Variants in ELOVL2 observed in about 807,000 individuals in gnomAD.
The protein encoded by ELOVL2 is very long chain fatty acid elongase 2.
ELOVL2 carries 38 observed loss-of-function variants against 37.7 expected under a neutral mutation model. The observed-to-expected ratio is 1.01, with a 90% CI of 0.78 to 1.32. ELOVL2 has a LOEUF of 1.32. ELOVL2 is among the 40% of genes most tolerant of loss of function. The pLI is 0.00. For missense variants in ELOVL2, 352 were observed against 363.6 expected, an observed-to-expected ratio of 0.97 and a Z score of 0.26; for synonymous variants, 115 against 122.3, an observed-to-expected ratio of 0.94 and a Z score of 0.40.
intron 1 of ELOVL2, among the ~76,000 whole-genome samples, chr6:11,035,651 A>AT (rs915933480): frequency 3.9e-5 from 6 of 152,264 alleles, no homozygotes; most frequent in Non-Finnish European, 7.4e-5. Context: ...TAGGGTCTAG[A>AT]TTTTTTTGTC....
chr6:11,024,834 C>G (rs1028164168), intron 1 of ELOVL2, among the ~76,000 whole-genome samples: 1 of 152,160 alleles, frequency 6.6e-6, no homozygotes, highest in Non-Finnish European at 1.5e-5. Context: ...GGTTGGTTAA[C>G]TGGAGGAAAG....
rs774368530 is a variant in ELOVL2, at chr6:10,995,001, A to G, written c.505+6T>C. The G allele has an allele frequency of 3.8e-6, 6 of 1,580,718 alleles. No individual in the cohort carries two copies. The Admixed American group carries it at 1.1e-4, about 29-fold the overall frequency. ...TCAAAACGGAAAAATTAACAAAATA[A>G]CTTACTTTGTCCACAAGGTATCCAG... is the stretch of plus-strand genomic sequence containing the variant. On this transcript the variant is annotated splice_donor_region_variant and intron_variant, in intron 5 of 7. Coordinates refer to ENST00000354666, the MANE Select transcript of ELOVL2 (RefSeq NM_017770.4).
At chr6:11,037,071 G>T (rs1419253574) in intron 1 of ELOVL2, among the ~76,000 whole-genome samples, 1 of 143,450 alleles carries the variant, frequency 7.0e-6, no homozygotes, top group Non-Finnish European at 1.5e-5. Context: ...AGATAGAGAG[G>T]CAGAGAGGGA....
In ELOVL2 at chr6:10,983,833, G is replaced by GA; in HGVS notation, c.838dup (p.Ser280PhefsTer42). ...ATTTGCTGCAGTGAAGTAGGCTTTG[G>GA]AAAAACCATTCTTCACTTCTTTCCC... On this transcript the variant is annotated frameshift_variant, in exon 8 of 8. Coordinates refer to ENST00000354666, the MANE Select transcript of ELOVL2 (RefSeq NM_017770.4). LOFTEE classifies it high-confidence loss of function. 1.2e-6 allele frequency: 2 copies of GA among 1,613,504 alleles called. No individual in the cohort carries two copies. The highest frequency in any genetic ancestry group is 1.1e-5 in the South Asian group (1 of 90,910).
At chr6:11,031,616 C>T (rs1478842469) in intron 1 of ELOVL2, among the ~76,000 whole-genome samples, 2 of 152,148 alleles carry the variant, frequency 1.3e-5, no homozygotes, top group Admixed American at 6.5e-5. Context: ...GTTATATACA[C>T]TGCAAATAAC....
chr6:10,982,682 G>T lies in ELOVL2; in HGVS notation c.*1099C>A, dbSNP rs759045293. ...GTTTGCCAAACTGGCATTTTTTATCGTGGCTCATGACCGGCCCACGGCTCA... is the reference window on the plus strand; with the variant it reads ...GTTTGCCAAACTGGCATTTTTTATCTTGGCTCATGACCGGCCCACGGCTCA... On this transcript the variant is annotated 3_prime_UTR_variant, in exon 8 of 8. Transcript: ENST00000354666. 6.6e-6 allele frequency: 1 copy of T among 152,118 alleles called. No individual in the cohort carries two copies. Among genetic ancestry groups the T allele is most frequent in the African/African-American group, 2.4e-5 (1 of 41,414 alleles). The allele number at this position is 152,118 out of a possible 1,614,324, so 9.4% of individuals were successfully genotyped here.
intron 1 of ELOVL2, among the ~76,000 whole-genome samples, chr6:11,042,358 TA>T (rs201731620): frequency 9.9e-5 from 15 of 150,902 alleles, no homozygotes; most frequent in African/African-American, 1.5e-4. Context: ...ATTTGGGTAT[TA>T]AAAAAAAATT....
chr6:11,002,115 T>TA (rs892797655), intron 3 of ELOVL2, among the ~76,000 whole-genome samples: 16 of 152,148 alleles, frequency 1.1e-4, no homozygotes, highest in African/African-American at 3.1e-4. Context: ...CCATTACACT[T>TA]AGAGTGCAAG....
intron 1 of ELOVL2, among the ~76,000 whole-genome samples, chr6:11,028,697 T>C (rs1190331313): frequency 6.6e-5 from 10 of 152,068 alleles, no homozygotes. Flanking sequence ...CAAATGATAG[T>C]AATAATAGTA....
chr6:11,009,680 G>A (rs1782539194), intron 2 of ELOVL2, among the ~76,000 whole-genome samples: 1 of 152,222 alleles, frequency 6.6e-6, no homozygotes, highest in African/African-American at 2.4e-5. Context: ...TTGAGCAGCT[G>A]TATGAAAGCC....
rs529492462 is a variant in ELOVL2, at chr6:11,030,491, G to T, written c.3+13737C>A. Among the ~76,000 whole-genome samples the T allele has an allele frequency of 8.0e-5, 12 of 150,462 alleles. No individual in the cohort carries two copies. In the East Asian group the frequency reaches 9.7e-4, roughly 12 times the overall value. On this transcript the variant is annotated intron_variant, in intron 1 of 7. Coordinates refer to ENST00000354666, the MANE Select transcript of ELOVL2 (RefSeq NM_017770.4). ...CATATTTGCTTCAAATCTTTTTTTT[G>T]TTTGTTTGTTTTTTTGTTGAGATGG... is the stretch of plus-strand genomic sequence containing the variant.
chr6:11,029,223 C>CAAAAAAAAAAAAAAAAAAA lies in ELOVL2; in HGVS notation c.3+14986_3+15004dup, dbSNP rs376639413. Among the ~76,000 whole-genome samples, 23 of 75,786 alleles carry CAAAAAAAAAAAAAAAAAAA rather than the reference C, an allele frequency of 3.0e-4. 4 individuals are homozygous for CAAAAAAAAAAAAAAAAAAA. The highest frequency in any genetic ancestry group is 1.1e-3 in the African/African-American group (22 of 19,292). The allele number at this position is 75,786 out of a possible 152,430, so 49.7% of individuals were successfully genotyped here. A position where few individuals can be genotyped will look rare whatever the true frequency, so the allele number is the denominator to read the frequency against. Reference sequence around the variant, plus strand: ...AGCCCGGGGCGACAGAGGGAGATCTCAAAAAAAAAAAAAAAAAAAAAAAAA... The same window carrying CAAAAAAAAAAAAAAAAAAA: ...AGCCCGGGGCGACAGAGGGAGATCTCAAAAAAAAAAAAAAAAAAAAAAAAAAAAAAAAAAAAAAAAAAAA... On this transcript the variant is annotated intron_variant, in intron 1 of 7. Transcript: ENST00000354666.
At chr6:10,994,514 G>T (rs1415759121) in intron 5 of ELOVL2, among the ~76,000 whole-genome samples, 1 of 151,602 alleles carries the variant, frequency 6.6e-6, no homozygotes, top group Non-Finnish European at 1.5e-5. Flanking sequence ...ACTGGGTTGT[G>T]ATATAAAATG....
At chr6:11,020,469 C>T (rs1782750000) in intron 1 of ELOVL2, among the ~76,000 whole-genome samples, 1 of 152,160 alleles carries the variant, frequency 6.6e-6, no homozygotes, top group South Asian at 2.1e-4. Context: ...CTACCAGAAT[C>T]CGACTATCTT....
intron 3 of ELOVL2, among the ~76,000 whole-genome samples, chr6:11,001,675 A>G (rs781724433): frequency 1.3e-5 from 2 of 152,128 alleles, no homozygotes; most frequent in African/African-American, 4.8e-5. Flanking sequence ...CTTTAGTTAG[A>G]TTTATCCGGG....
intron 1 of ELOVL2, among the ~76,000 whole-genome samples, chr6:11,029,296 C>T (rs1244317848): frequency 6.7e-6 from 1 of 148,986 alleles, no homozygotes; most frequent in Non-Finnish European, 1.5e-5. Context: ...AGGAGTTTTA[C>T]GCAGGTTCTA....
At chr6:11,010,021 A>AACT in intron 2 of ELOVL2, among the ~76,000 whole-genome samples, 1 of 141,194 alleles carries the variant, frequency 7.1e-6, no homozygotes, top group Non-Finnish European at 1.5e-5. Context: ...AAGCGCACAC[A>AACT]TCTTTTTTTT....
At chr6:10,984,911 T>A (rs1782019533) in intron 7 of ELOVL2, among the ~76,000 whole-genome samples, 1 of 152,182 alleles carries the variant, frequency 6.6e-6, no homozygotes, top group African/African-American at 2.4e-5. Flanking sequence ...GTATTTCTAG[T>A]TCTAGATCCC....
rs1782978194 is a variant in ELOVL2, at chr6:11,034,418, C to G, written c.3+9810G>C. ...ACACTTACTGCCGGGCATGGTGGCT[C>G]ACGCCTGTAATCCCAGCACTTTGGG... On this transcript the variant is annotated intron_variant, in intron 1 of 7. Transcript: ENST00000354666. 1.3e-5 allele frequency among the ~76,000 whole-genome samples: 2 copies of G among 148,812 alleles called. 1 individual carries two copies. Among genetic ancestry groups the G allele is most frequent in the Non-Finnish European group, 3.0e-5 (2 of 66,788 alleles).
Sources: allele counts gnomAD v4.1 joint callset (sites outside exome capture counted in the v4.1 genomes callset), GRCh38; gene constraint gnomAD v4.1.1; transcripts MANE v1.5; gene names NCBI Gene and HGNC (gene_info 2026-07-23, HGNC 2026-07-21).